The following XKR6 variants were observed in gnomAD, a reference collection of about 807,000 sequenced individuals.
XKR6 encodes XK-related protein 6.
In XKR6, 22 loss-of-function variants were observed where a neutral mutation model predicts 56.7. The observed-to-expected ratio is 0.39, with a 90% CI of 0.28 to 0.55. The LOEUF (loss-of-function observed/expected upper bound fraction) is 0.55. Among genes scored for constraint, XKR6 ranks in the 20% least tolerant of loss-of-function variants. The probability of loss-of-function intolerance (pLI) is 0.66; values close to 1 mark genes in which losing one functional copy is unlikely to be tolerated. For missense variants in XKR6, 852 were observed against 889.0 expected, an observed-to-expected ratio of 0.96 and a Z score of 0.53; for synonymous variants, 524 against 387.8, an observed-to-expected ratio of 1.35 and a Z score of -4.13.
intron 1 of XKR6, among the ~76,000 whole-genome samples, chr8:11,060,599 T>G (rs1394938086): frequency 6.6e-6 from 1 of 152,104 alleles, no homozygotes; most frequent in African/African-American, 2.4e-5. Context: ...GGTTACAAAG[T>G]CCTGACAAAG....
chr8:11,100,498 T>C (rs551291572), intron 1 of XKR6, among the ~76,000 whole-genome samples: 3 of 152,168 alleles, frequency 2.0e-5, no homozygotes, highest in African/African-American at 4.8e-5. Context: ...TATCGTGAGA[T>C]CTTATGACCA....
intron 1 of XKR6, among the ~76,000 whole-genome samples, chr8:11,082,661 C>A (rs1191302938): frequency 6.6e-6 from 1 of 152,242 alleles, no homozygotes; most frequent in Non-Finnish European, 1.5e-5. Flanking sequence ...TCTGTCCCAA[C>A]AGCAGTCCCC....
chr8:11,060,301 C>T, intron 1 of XKR6, among the ~76,000 whole-genome samples: 1 of 152,170 alleles, frequency 6.6e-6, no homozygotes. Context: ...GCTTTCCCTT[C>T]CTCCCGCCTC....
In XKR6 at chr8:10,918,918, C is replaced by T. The variant is rs1318854815; in HGVS notation, c.961+5716G>A. Among the ~76,000 whole-genome samples the T allele has an allele frequency of 3.3e-5, 5 of 152,244 alleles. No homozygotes were observed. The East Asian group carries it at 5.8e-4, about 18-fold the overall frequency. Reference sequence around the variant, plus strand: ...AGACTCTCCATCCCATAACCTCACACCTGGCCCACCACAGCCTCCAACAGG... The same window carrying T: ...AGACTCTCCATCCCATAACCTCACATCTGGCCCACCACAGCCTCCAACAGG... On this transcript the variant is annotated intron_variant, in intron 2 of 2. Transcript: ENST00000416569.
rs1798928884 is a variant in XKR6 at position 11,112,202 on chromosome 8, TA to T, written c.764+88373del. Reference sequence around the variant, plus strand: ...CATTAGTTCTGTCTTTATTTTCTTTTAAAAGTTGTCATCATGGTGACAGACA... The same window carrying T: ...CATTAGTTCTGTCTTTATTTTCTTTTAAAGTTGTCATCATGGTGACAGACA... On this transcript the variant is annotated intron_variant, in intron 1 of 2. Coordinates refer to ENST00000416569, the MANE Select transcript of XKR6 (RefSeq NM_173683.4). Among the ~76,000 whole-genome samples the T allele has an allele frequency of 2.6e-5, 4 of 152,214 alleles. No homozygotes were observed. In the South Asian group the frequency reaches 8.3e-4, roughly 31 times the overall value.
chr8:11,174,937 T>C (rs1181257698), intron 1 of XKR6: 1 of 152,256 alleles, frequency 6.6e-6, no homozygotes, highest in African/African-American at 2.4e-5. Flanking sequence ...AGGTTCCCTT[T>C]TCCTCTTTCT....
chr8:10,912,532 T>C (rs992795375), intron 2 of XKR6, among the ~76,000 whole-genome samples: 3 of 134,580 alleles, frequency 2.2e-5, no homozygotes, highest in Non-Finnish European at 4.8e-5. Flanking sequence ...AGAGTGAGTA[T>C]ATATAGAGAA....
intron 1 of XKR6, among the ~76,000 whole-genome samples, chr8:11,181,839 C>T (rs1383764992): frequency 6.6e-6 from 1 of 152,150 alleles, no homozygotes; most frequent in African/African-American, 2.4e-5. Flanking sequence ...TCTTCTTCCA[C>T]AAAGCTGTTC....
intron 1 of XKR6, among the ~76,000 whole-genome samples, chr8:11,055,234 C>G (rs1174918735): frequency 6.6e-6 from 1 of 151,646 alleles, no homozygotes; most frequent in Non-Finnish European, 1.5e-5. Context: ...CCAGAAGCAG[C>G]GTGGGGTGGA....
chr8:10,984,756 ATT>A (rs1491309133), intron 1 of XKR6, among the ~76,000 whole-genome samples: 7 of 135,166 alleles, frequency 5.2e-5, no homozygotes, highest in Non-Finnish European at 8.0e-5. Context: ...ATATATATAT[ATT>A]TGAAGAAATG....
At chr8:11,017,070 G>A (rs981654213) in intron 1 of XKR6, among the ~76,000 whole-genome samples, 9 of 152,234 alleles carry the variant, frequency 5.9e-5, no homozygotes, top group African/African-American at 2.2e-4. Context: ...TAGACAGATG[G>A]ATGATTGATA....
In XKR6 at chr8:11,018,504, C is replaced by G. The variant is rs146433102; in HGVS notation, c.765-93674G>C. ...ACTTCCCTCCATAATATGGGGGTCC[C>G]CAGGGAGAGGAGGACAAAGGACATG... On this transcript the variant is annotated intron_variant, in intron 1 of 2. Coordinates refer to ENST00000416569, the MANE Select transcript of XKR6 (RefSeq NM_173683.4). Among the ~76,000 whole-genome samples the G allele has an allele frequency of 8.3e-4, 126 of 152,302 alleles. 1 individual carries two copies. Among genetic ancestry groups the G allele is most frequent in the African/African-American group, 2.6e-3 (109 of 41,558 alleles).
chr8:11,105,985 T>C (rs1798659963), intron 1 of XKR6: 1 of 152,238 alleles, frequency 6.6e-6, no homozygotes, highest in Admixed American at 6.5e-5. Context: ...GGCCACTTAA[T>C]TTTTATTACA....
At chr8:10,931,586 G>A (rs762766988) in intron 1 of XKR6, among the ~76,000 whole-genome samples, 4 of 152,120 alleles carry the variant, frequency 2.6e-5, no homozygotes, top group Non-Finnish European at 4.4e-5. Context: ...GAAGAGTCCG[G>A]AAGAAGACCC....
chr8:10,948,299 G>A (rs1394289202), intron 1 of XKR6, among the ~76,000 whole-genome samples: 1 of 152,138 alleles, frequency 6.6e-6, no homozygotes, highest in Non-Finnish European at 1.5e-5. Context: ...CTCCCTCAGC[G>A]TCCTGCTGTC....
intron 1 of XKR6, chr8:11,108,865 C>G (rs1473825805): frequency 6.6e-6 from 1 of 152,450 alleles, no homozygotes; most frequent in Non-Finnish European, 1.5e-5. Flanking sequence ...TATGTCTGTA[C>G]AGTCTTCCCA....
intron 1 of XKR6, among the ~76,000 whole-genome samples, chr8:11,024,420 T>G (rs1490632446): frequency 6.6e-6 from 1 of 152,218 alleles, no homozygotes; most frequent in Non-Finnish European, 1.5e-5. Flanking sequence ...GAACCCATGA[T>G]GTAGGGATGC....
chr8:10,908,267 T>C (rs1188940804), intron 2 of XKR6, among the ~76,000 whole-genome samples: 1 of 152,178 alleles, frequency 6.6e-6, no homozygotes, highest in East Asian at 1.9e-4. Flanking sequence ...ACTGGAACTG[T>C]GTAGGTATTG....
At chr8:11,080,707 C>T (rs1446161512) in intron 1 of XKR6, among the ~76,000 whole-genome samples, 1 of 152,208 alleles carries the variant, frequency 6.6e-6, no homozygotes, top group African/African-American at 2.4e-5. Flanking sequence ...GGAGGAGGAG[C>T]CAGGTGGTCC....
Sources: allele counts gnomAD v4.1 joint callset (sites outside exome capture counted in the v4.1 genomes callset), GRCh38; gene constraint gnomAD v4.1.1; transcripts MANE v1.5; gene names NCBI Gene and HGNC (gene_info 2026-07-23, HGNC 2026-07-21).